The following SFMBT2 variants were observed in gnomAD, a reference collection of about 807,000 sequenced individuals.
The protein encoded by SFMBT2 is Scm like with four mbt domains 2.
A neutral mutation model predicts 110.1 loss-of-function variants in SFMBT2; 38 were observed. The observed-to-expected ratio is 0.35, with a 90% CI of 0.27 to 0.45. The LOEUF (loss-of-function observed/expected upper bound fraction) is 0.45. SFMBT2 is among the 20% of genes least tolerant of loss of function. The pLI is 1.00. For synonymous variants in SFMBT2, 425 were observed against 425.4 expected (o/e 1.00, Z 0.01); for missense variants, 1,011 against 1,094.9 (o/e 0.92, Z 1.08).
chr10:7,193,484 C>G (rs1426858879), intron 15 of SFMBT2, among the ~76,000 whole-genome samples: 3 of 152,200 alleles, frequency 2.0e-5, no homozygotes, highest in African/African-American at 7.2e-5. Flanking sequence ...TGTGGAGTCC[C>G]TGTGAAGGCA....
At chr10:7,342,832 A>G (rs1428678704) in intron 4 of SFMBT2, among the ~76,000 whole-genome samples, 1 of 152,248 alleles carries the variant, frequency 6.6e-6, no homozygotes, top group East Asian at 1.9e-4. Flanking sequence ...GCCAAAACAT[A>G]AACCACTTTG....
At chr10:7,276,831 A>G in intron 7 of SFMBT2, 61 bp downstream of exon 7, 2 of 819,846 alleles carry the variant, frequency 2.4e-6, no homozygotes, top group East Asian at 2.4e-5. Context: ...CGGCCGGAAA[A>G]CTTTGTAGAT....
At chr10:7,286,814 G>A (rs1842104743) in intron 4 of SFMBT2, among the ~76,000 whole-genome samples, 1 of 152,086 alleles carries the variant, frequency 6.6e-6, no homozygotes, top group Non-Finnish European at 1.5e-5. Flanking sequence ...TCACACTAGG[G>A]CACACTCCAA....
chr10:7,206,235 T>C (rs994663693), intron 11 of SFMBT2: 6 of 985,236 alleles, frequency 6.1e-6, no homozygotes, highest in African/African-American at 1.7e-5. Context: ...TAGGAAAAGA[T>C]TGGCATCGGA....
chr10:7,329,237 G>A (rs1390976526), intron 4 of SFMBT2, among the ~76,000 whole-genome samples: 1 of 152,202 alleles, frequency 6.6e-6, no homozygotes, highest in African/African-American at 2.4e-5. Context: ...GTGAATGATG[G>A]TGATGATGAT....
intron 12 of SFMBT2, chr10:7,204,611 A>G (rs1326057996): frequency 6.4e-6 from 4 of 622,472 alleles, no homozygotes; most frequent in Non-Finnish European, 6.0e-6. Flanking sequence ...AGGCGTGGCC[A>G]AAGTGTAATT....
rs545155500 is a variant in SFMBT2, at chr10:7,315,038, G to GAGAAAGAAAGAAAGAAAGAA, written c.437-29104_437-29085dup. 1.6e-3 allele frequency among the ~76,000 whole-genome samples: 135 copies of GAGAAAGAAAGAAAGAAAGAA among 82,244 alleles called. 2 individuals carry two copies. Among genetic ancestry groups the GAGAAAGAAAGAAAGAAAGAA allele is most frequent in the East Asian group, 2.6e-3 (7 of 2,650 alleles). The allele number at this position is 82,244 out of a possible 152,430, so 54.0% of individuals were successfully genotyped here. ...AAGAAAAGAGAGAGAAAGAAAGAAA[G>GAGAAAGAAAGAAAGAAAGAA]AGAAAGAAAGAAAGAAAGAAAGAAA... On this transcript the variant is annotated intron_variant, in intron 4 of 20. Transcript: ENST00000397167.
At chr10:7,184,310 C>G (rs1838332592) in intron 16 of SFMBT2, among the ~76,000 whole-genome samples, 1 of 152,124 alleles carries the variant, frequency 6.6e-6, no homozygotes, top group South Asian at 2.1e-4. Flanking sequence ...TTCCCCCATA[C>G]TTTTCCTGTG....
chr10:7,288,169 G>A (rs1030644769), intron 4 of SFMBT2, among the ~76,000 whole-genome samples: 6 of 152,170 alleles, frequency 3.9e-5, no homozygotes, highest in African/African-American at 1.4e-4. Context: ...AAGCCAAGCA[G>A]TGGCCGGACC....
intron 16 of SFMBT2, among the ~76,000 whole-genome samples, chr10:7,179,391 GAA>G (rs57497418): frequency 0.039 from 2,751 of 70,060 alleles, 38 homozygotes; most frequent in African/African-American, 0.1. Context: ...TTGCATTTTC[GAA>G]AAAAAAAAAA....
chr10:7,222,799 A>G (rs1450776613), intron 10 of SFMBT2, among the ~76,000 whole-genome samples: 2 of 152,148 alleles, frequency 1.3e-5, no homozygotes, highest in Admixed American at 6.5e-5. Flanking sequence ...CATCCTGAGT[A>G]GCTGGGACTA....
intron 4 of SFMBT2, among the ~76,000 whole-genome samples, chr10:7,355,600 C>G (rs1175714645): frequency 6.6e-6 from 1 of 152,182 alleles, no homozygotes; most frequent in East Asian, 1.9e-4. Flanking sequence ...ATCACAAGAT[C>G]AGGAGTTCAA....
At chr10:7,309,440 C>T (rs1276318708) in intron 4 of SFMBT2, among the ~76,000 whole-genome samples, 1 of 152,208 alleles carries the variant, frequency 6.6e-6, no homozygotes, top group Non-Finnish European at 1.5e-5. Flanking sequence ...GTGCTTTCTC[C>T]AAGCTCTTTC....
rs1843985157 is a variant in SFMBT2, at chr10:7,343,165, G to T, written c.436+24484C>A. Reference sequence around the variant, plus strand: ...TGGTTTTCTGTTCCTGCATTAGTTTGCTTAGGATGGCCTCCAGGGACATAC... The same window carrying T: ...TGGTTTTCTGTTCCTGCATTAGTTTTCTTAGGATGGCCTCCAGGGACATAC... On this transcript the variant is annotated intron_variant, in intron 4 of 20. Coordinates refer to ENST00000397167, the MANE Select transcript of SFMBT2 (RefSeq NM_001387889.1). Among the ~76,000 whole-genome samples, 3 of 151,638 alleles carry T rather than the reference G, an allele frequency of 2.0e-5. No individual in the cohort carries two copies. In the South Asian group the frequency reaches 6.3e-4, roughly 32 times the overall value.
intron 7 of SFMBT2, among the ~76,000 whole-genome samples, chr10:7,273,657 A>C (rs1008858005): frequency 1.3e-4 from 20 of 152,200 alleles, no homozygotes; most frequent in Non-Finnish European, 2.5e-4. Flanking sequence ...TGGTGTTCCC[A>C]ACCCTGTGTC....
intron 17 of SFMBT2, 118 bp downstream of exon 17, chr10:7,175,872 T>C (rs1438237871): frequency 4.1e-5 from 38 of 922,418 alleles, no homozygotes; most frequent in Non-Finnish European, 4.9e-6. Context: ...GCAATTCCTA[T>C]GGAAGACTAG....
intron 7 of SFMBT2, among the ~76,000 whole-genome samples, chr10:7,256,709 G>A (rs1334073829): frequency 6.6e-6 from 1 of 152,196 alleles, no homozygotes; most frequent in Non-Finnish European, 1.5e-5. Context: ...TCTGACCAAC[G>A]TGGTTAATCT....
chr10:7,176,979 A>G (rs1838083006), intron 16 of SFMBT2, among the ~76,000 whole-genome samples: 1 of 151,992 alleles, frequency 6.6e-6, no homozygotes, highest in Non-Finnish European at 1.5e-5. Context: ...CGCTTGCCAT[A>G]CTCTGCCCAT....
chr10:7,321,075 A>G (rs901768652), intron 4 of SFMBT2, among the ~76,000 whole-genome samples: 4 of 152,238 alleles, frequency 2.6e-5, no homozygotes, highest in Non-Finnish European at 5.9e-5. Flanking sequence ...CCTCCTATAT[A>G]AAACAAATTA....
Sources: gnomAD v4.1 joint callset for allele counts (sites outside exome capture counted in the v4.1 genomes callset) on GRCh38, gnomAD v4.1.1 for gene constraint, MANE v1.5 for transcripts, NCBI Gene and HGNC (gene_info 2026-07-23, HGNC 2026-07-21) for gene names.